Variants in NFIX observed in about 807,000 individuals in gnomAD.
NFIX encodes nuclear factor 1 X-type.
Under a neutral mutation model 53.3 loss-of-function variants are expected in NFIX, and 2 were observed. The ratio of observed to expected loss-of-function variants is 0.04; its 90% CI spans 0.02 to 0.12. The LOEUF (loss-of-function observed/expected upper bound fraction) is 0.12. Among genes scored for constraint, NFIX ranks in the 10% least tolerant of loss-of-function variants. NFIX has a pLI of 1.00. For missense variants in NFIX, 310 were observed against 674.5 expected (o/e 0.46, Z 5.99); for synonymous variants, 244 against 289.0 (o/e 0.84, Z 1.58).
intron 2 of NFIX, among the ~76,000 whole-genome samples, chr19:13,041,662 C>T (rs1405232133): frequency 1.3e-5 from 2 of 151,884 alleles, no homozygotes; most frequent in Non-Finnish European, 2.9e-5. Flanking sequence ...GGCATGGAGG[C>T]ACATGCCTGT....
In NFIX at chr19:13,036,997, G is replaced by C. The variant is rs1237806037; in HGVS notation, c.559+11445G>C. On this transcript the variant is annotated intron_variant, in intron 2 of 10. Coordinates refer to ENST00000592199, the MANE Select transcript of NFIX (RefSeq NM_001365902.3). This position sits in a 1 kb window ranked among gnomAD's most constrained non-coding sequence, Gnocchi z 4.7. ...GAGGAGGCAAATGGATAGGAAGCTT[G>C]AGTTGGGGGTGGGTGCTAAGCCTGG... Among the ~76,000 whole-genome samples, 1 of 152,166 alleles carries C rather than the reference G, an allele frequency of 6.6e-6. No homozygotes were observed. Among genetic ancestry groups the C allele is most frequent in the African/African-American group, 2.4e-5 (1 of 41,434 alleles).
rs1822221838 is a variant in NFIX, at chr19:13,049,074, C to T, written c.559+23522C>T. On this transcript the variant is annotated intron_variant, in intron 2 of 10. Coordinates refer to ENST00000592199, the MANE Select transcript of NFIX (RefSeq NM_001365902.3). The surrounding 1 kb of genome is among the most constrained non-coding windows in gnomAD (Gnocchi z 4.5). ...CCTGGGCGACAGAGCAAGACTCTGT[C>T]TAAAAAAAAACAAAACAAAACAAAA... Among the ~76,000 whole-genome samples, 1 of 151,442 alleles carries T rather than the reference C, an allele frequency of 6.6e-6. No individual in the cohort carries two copies. The highest frequency in any genetic ancestry group is 2.4e-5 in the African/African-American group (1 of 41,182).
intron 1 of NFIX, among the ~76,000 whole-genome samples, chr19:13,020,021 G>A (rs1332491478): frequency 6.6e-6 from 1 of 150,576 alleles, no homozygotes; most frequent in African/African-American, 2.5e-5. Flanking sequence ...TGGCCTGCAT[G>A]TCCCCTTGCT....
intron 1 of NFIX, chr19:13,024,537 G>A: frequency 1.3e-6 from 2 of 1,527,046 alleles, no homozygotes; most frequent in Non-Finnish European, 1.8e-6. Flanking sequence ...GGGACCAGAG[G>A]CGGCCCCGCA....
At chr19:13,044,198 G>A (rs996559547) in intron 2 of NFIX, among the ~76,000 whole-genome samples, 2 of 152,182 alleles carry the variant, frequency 1.3e-5, no homozygotes, top group African/African-American at 4.8e-5. Flanking sequence ...GTGGATGTGG[G>A]TAGTTGTGTA....
chr19:13,095,889 CTT>C lies in NFIX; in HGVS notation c.*1242_*1243del, dbSNP rs1202454698. 6.9e-6 allele frequency: 1 copy of C among 144,226 alleles called. No homozygotes were observed. Among genetic ancestry groups the C allele is most frequent in the African/African-American group, 2.5e-5 (1 of 39,548 alleles). 8.9% of individuals were successfully genotyped at this position (144,226 alleles called of 1,614,324 possible). A position where few individuals can be genotyped will look rare whatever the true frequency, so the allele number is the denominator to read the frequency against. On this transcript the variant is annotated 3_prime_UTR_variant, in exon 11 of 11. Coordinates refer to ENST00000592199, the MANE Select transcript of NFIX (RefSeq NM_001365902.3). ...GGATTTTAGCTGTAATGTCTTTACTCTTTATTTAGGGGTGGGGCATTCATTGT... is the reference window on the plus strand; with the variant it reads ...GGATTTTAGCTGTAATGTCTTTACTCTATTTAGGGGTGGGGCATTCATTGT...
At chr19:13,057,162 G>C (rs1259566699) in intron 2 of NFIX, among the ~76,000 whole-genome samples, 4 of 152,220 alleles carry the variant, frequency 2.6e-5, no homozygotes, top group African/African-American at 9.7e-5. Context: ...CCCTGGTGAG[G>C]TGGAACCTGC....
At chr19:13,064,634 C>A (rs2016294114) in intron 2 of NFIX, among the ~76,000 whole-genome samples, 1 of 152,172 alleles carries the variant, frequency 6.6e-6, no homozygotes, top group Non-Finnish European at 1.5e-5. Flanking sequence ...CCCAAGGGAG[C>A]CCCTCTGTTC....
rs1234604028 is a variant in NFIX at position 13,090,845 on chromosome 19, G to A, written c.1494+455G>A. Among the ~76,000 whole-genome samples, 2 of 152,196 alleles carry A rather than the reference G, an allele frequency of 1.3e-5. No individual in the cohort carries two copies. Among genetic ancestry groups the A allele is most frequent in the African/African-American group, 2.4e-5 (1 of 41,454 alleles). ...AGGGACAGAGGGCCTGGTGGGCTGC[G>A]TGCCCAGAACTGGCACTGAGGGCAG... On this transcript the variant is annotated intron_variant, in intron 10 of 10. Transcript: ENST00000592199. The surrounding 1 kb of genome is among the most constrained non-coding windows in gnomAD (Gnocchi z 6.6).
At chr19:13,026,744 C>CTGTGTG (rs201026735) in intron 2 of NFIX, among the ~76,000 whole-genome samples, 150 of 150,014 alleles carry the variant, frequency 1.0e-3, no homozygotes, top group African/African-American at 1.7e-3. Context: ...CTCTCTCTCT[C>CTGTGTG]TGTGTGTGTG....
chr19:13,076,351 C>G (rs2017100897), intron 6 of NFIX, among the ~76,000 whole-genome samples: 1 of 152,150 alleles, frequency 6.6e-6, no homozygotes, highest in Non-Finnish European at 1.5e-5. Context: ...CCAGTCTCCT[C>G]TAGGGATCTT....
rs2018259582 is a variant in NFIX, at chr19:13,093,461, CATT to C, written c.1495-1173_1495-1171del. On this transcript the variant is annotated intron_variant, in intron 10 of 10. Transcript: ENST00000592199. This position sits in a 1 kb window ranked among gnomAD's most constrained non-coding sequence, Gnocchi z 4.7. ...ACCCTGACCCTAGGCAGGGCACAGG[CATT>C]CTGGCCACCACAGACCCTGCTTCCT... Among the ~76,000 whole-genome samples, 1 of 152,250 alleles carries C rather than the reference CATT, an allele frequency of 6.6e-6. No homozygotes were observed. The highest frequency in any genetic ancestry group is 1.5e-5 in the Non-Finnish European group (1 of 68,042).
chr19:13,035,783 A>C (rs1472003530), intron 2 of NFIX, among the ~76,000 whole-genome samples: 1 of 152,122 alleles, frequency 6.6e-6, no homozygotes, highest in Non-Finnish European at 1.5e-5. Context: ...TTAAATATAG[A>C]GGTATCTATT....
intron 2 of NFIX, among the ~76,000 whole-genome samples, chr19:13,038,614 G>T (rs965638139): frequency 4.6e-5 from 7 of 152,250 alleles, no homozygotes; most frequent in African/African-American, 1.7e-4. Context: ...CGGCATATGT[G>T]AAATGTAATC....
At chr19:13,032,970 C>T (rs1031194175) in intron 2 of NFIX, among the ~76,000 whole-genome samples, 3 of 152,132 alleles carry the variant, frequency 2.0e-5, no homozygotes, top group Non-Finnish European at 2.9e-5. Context: ...TGCCACAGAC[C>T]GAGACTCAGG....
At position 12,996,915 on chromosome 19, in the gene NFIX, G is replaced by A. The variant is rs2011490047; in HGVS notation, c.27+1051G>A. 6.6e-6 allele frequency among the ~76,000 whole-genome samples: 1 copy of A among 152,272 alleles called. No homozygotes were observed. The highest frequency in any genetic ancestry group is 2.1e-4 in the South Asian group (1 of 4,838). On this transcript the variant is annotated intron_variant, in intron 1 of 10. Coordinates refer to ENST00000592199, the MANE Select transcript of NFIX (RefSeq NM_001365902.3). The surrounding 1 kb of genome is among the most constrained non-coding windows in gnomAD (Gnocchi z 5.2). ...CCTGGGCTGTGGCCTGAGGCTCTAA[G>A]AGGGCACAGAAGCTGCCCAGAGTCC...
At chr19:13,024,946 C>T in intron 1 of NFIX, 75 bp from the exon 2 acceptor site, 17 of 1,538,808 alleles carry the variant, frequency 1.1e-5, no homozygotes, top group Non-Finnish European at 1.5e-5. Flanking sequence ...TTCTCCTTCT[C>T]TCTTTCCCCC....
chr19:13,012,513 T>G lies in NFIX; in HGVS notation c.28-12508T>G, dbSNP rs1453586677. Among the ~76,000 whole-genome samples, 1 of 150,504 alleles carries G rather than the reference T, an allele frequency of 6.6e-6. No homozygotes were observed. Among genetic ancestry groups the G allele is most frequent in the African/African-American group, 2.4e-5 (1 of 41,152 alleles). On this transcript the variant is annotated intron_variant, in intron 1 of 10. Transcript: ENST00000592199. The surrounding 1 kb of genome is among the most constrained non-coding windows in gnomAD (Gnocchi z 5.0). ...ATGGAGGACTGTCCCAGTTCACCAT[T>G]TGCTGCGTCAAAGGCCGCCGCCAAA...
At position 13,093,905 on chromosome 19, in the gene NFIX, C is replaced by G. The variant is rs2018286248; in HGVS notation, c.1495-730C>G. Among the ~76,000 whole-genome samples, 1 of 152,316 alleles carries G rather than the reference C, an allele frequency of 6.6e-6. No homozygotes were observed. The highest frequency in any genetic ancestry group is 1.5e-5 in the Non-Finnish European group (1 of 68,024). ...GGGTCTGCCCTGGGTGTGCTCTGAG[C>G]TGAGCCACCAGACACAGGCAGACAA... On this transcript the variant is annotated intron_variant, in intron 10 of 10. Coordinates refer to ENST00000592199, the MANE Select transcript of NFIX (RefSeq NM_001365902.3). The surrounding 1 kb of genome is among the most constrained non-coding windows in gnomAD (Gnocchi z 4.7).
Sources: allele counts gnomAD v4.1 joint callset (sites outside exome capture counted in the v4.1 genomes callset), GRCh38; gene constraint gnomAD v4.1.1; non-coding constraint Gnocchi (gnomAD v3.1); transcripts MANE v1.5; gene names NCBI Gene and HGNC (gene_info 2026-07-23, HGNC 2026-07-21).